Variants in PGD observed in about 807,000 individuals in gnomAD.
PGD encodes the protein phosphogluconate dehydrogenase.
A neutral mutation model predicts 60.4 loss-of-function variants in PGD; 21 were observed. The observed-to-expected ratio is 0.35, with a 90% CI of 0.25 to 0.50. The LOEUF is 0.50. Among genes scored for constraint, PGD ranks in the 20% least tolerant of loss-of-function variants. The pLI is 0.98. For synonymous variants in PGD, 230 were observed against 235.9 expected (o/e 0.97, Z 0.23); for missense variants, 477 against 613.1 (o/e 0.78, Z 2.34).
In PGD at chr1:10,400,354, G is replaced by A. The variant is rs937742817; in HGVS notation, c.85-39G>A. On this transcript the variant is annotated intron_variant, in intron 2 of 12. Transcript: ENST00000270776. ...TTTGGCCACAGTCTGAAAGTCTTGT[G>A]TGTCCTGGATCTCCTACTCAGGACT... is the stretch of plus-strand genomic sequence containing the variant. 4 of 1,471,468 alleles carry A rather than the reference G, an allele frequency of 2.7e-6. No individual in the cohort carries two copies. In the Admixed American group the frequency reaches 5.4e-5, roughly 20 times the overall value. 91.2% of individuals were successfully genotyped at this position (1,471,468 alleles called of 1,614,324 possible). A position where few individuals can be genotyped will look rare whatever the true frequency, so the allele number is the denominator to read the frequency against.
rs764308208 is a variant in PGD at position 10,399,754 on chromosome 1, CCGAGGCCGGCGATAGGT to C, written c.84+51_84+67del. The C allele has an allele frequency of 3.2e-5, 48 of 1,510,242 alleles. No homozygotes were observed. The South Asian group carries it at 5.3e-4, about 17-fold the overall frequency. 93.6% of individuals were successfully genotyped at this position (1,510,242 alleles called of 1,614,324 possible). On this transcript the variant is annotated intron_variant, in intron 2 of 12. Coordinates refer to ENST00000270776, the MANE Select transcript of PGD (RefSeq NM_002631.4). ...TCTCTCTGGTTCCCGGGCGCTTTAGCCGAGGCCGGCGATAGGTTTGGGAGCTTACGGGTCTCCTGGCC... is the reference window on the plus strand; with the variant it reads ...TCTCTCTGGTTCCCGGGCGCTTTAGCTTGGGAGCTTACGGGTCTCCTGGCC...
chr1:10,404,249 C>T lies in PGD; in HGVS notation c.419C>T (p.Ser140Leu), dbSNP rs768286066. The T allele has an allele frequency of 5.0e-6, 8 of 1,612,572 alleles. No individual in the cohort carries two copies. Among genetic ancestry groups the T allele is most frequent in the Non-Finnish European group, 6.8e-6 (8 of 1,178,968 alleles). Residue 140 changes from serine (S) to leucine (L), a missense_variant, in exon 5 of 13, where the codon TCG becomes TTG. Ser to Leu is a moderately radical substitution (Grantham distance 145). This residue lies in a region of PGD where 431 missense variants were observed against 556.6 expected (regional missense o/e 0.77). Coordinates refer to ENST00000270776, the MANE Select transcript of PGD (RefSeq NM_002631.4). Reference sequence around the variant, plus strand: ...GAGGAAGGGGCCCGGTATGGCCCATCGCTCATGCCAGGAGGGAACAAAGAA... The same window carrying T: ...GAGGAAGGGGCCCGGTATGGCCCATTGCTCATGCCAGGAGGGAACAAAGAA... The part of the protein sequence containing the change: ...GGEEGARYGP[S>L]LMPGGNKEAW...
intron 5 of PGD, among the ~76,000 whole-genome samples, chr1:10,405,290 T>G (rs1355840240): frequency 6.6e-6 from 1 of 151,444 alleles, no homozygotes; most frequent in Non-Finnish European, 1.5e-5. Flanking sequence ...GGAGAATTGC[T>G]TGAACCTAGG....
chr1:10,419,297 G>A (rs1639649028), intron 11 of PGD, 120 bp from the exon 12 acceptor site: 19 of 1,386,118 alleles, frequency 1.4e-5, no homozygotes, highest in Middle Eastern at 1.9e-4. Flanking sequence ...GATGACAGGC[G>A]TGAGCCACCG....
rs773274407 is a variant in PGD at position 10,408,108 on chromosome 1, A to G, written c.487A>G (p.Lys163Glu). Residue 163 changes from lysine to glutamate, a missense_variant, in exon 6 of 13, where the codon AAA (lysine) becomes GAA (glutamate). Around this residue, in one of 3 missense-constraint regions of PGD, gnomAD observed 431 missense variants for 556.6 expected, o/e 0.77. Transcript: ENST00000270776. The stretch of plus-strand genomic sequence containing the variant: ...GACCATCTTCCAAGGCATTGCTGCA[A>G]AAGTGGGAACTGGAGAACCCTGCTG... Reference protein sequence around the residue: ...IKTIFQGIAAKVGTGEPCCDW... With the variant: ...IKTIFQGIAAEVGTGEPCCDW... 6.2e-6 allele frequency: 10 copies of G among 1,608,064 alleles called. No homozygotes were observed. The East Asian group carries it at 1.1e-4, about 18-fold the overall frequency.
intron 6 of PGD, among the ~76,000 whole-genome samples, chr1:10,410,715 A>G (rs1000284724): frequency 1.3e-5 from 2 of 152,188 alleles, no homozygotes; most frequent in African/African-American, 4.8e-5. Context: ...CTATAGGGCC[A>G]GAATGTGTTG....
rs771130018 is a variant in PGD at position 10,399,657 on chromosome 1, G to T, written c.37G>T (p.Val13Phe). 6.2e-7 allele frequency: 1 copy of T among 1,614,046 alleles called. No individual in the cohort carries two copies. Among genetic ancestry groups the T allele is most frequent in the Non-Finnish European group, 8.5e-7 (1 of 1,179,990 alleles). The change falls in exon 2 of 13, where the codon GTC (valine) becomes TTC (phenylalanine). Residue 13 changes from valine to phenylalanine, a missense_variant. Transcript: ENST00000270776. ...TGACATCGCGCTGATCGGATTGGCC[G>T]TCATGGGCCAGAACTTAATTCTGAA... The part of the protein sequence containing the change: ...QADIALIGLA[V>F]MGQNLILNMN...
chr1:10,399,431 G>T, intron 1 of PGD, 198 bp from the exon 2 acceptor site: 1 of 462,262 alleles, frequency 2.2e-6, no homozygotes, highest in Non-Finnish European at 3.6e-6. Flanking sequence ...AGCGGGAGCC[G>T]GGCGCGAGGG....
chr1:10,417,603 G>C, intron 10 of PGD, 94 bp downstream of exon 10: 4 of 1,300,032 alleles, frequency 3.1e-6, no homozygotes, highest in Non-Finnish European at 4.2e-6. Context: ...AGTTTCCAGG[G>C]ATGGGCACTT....
At chr1:10,417,557 G>T in intron 10 of PGD, 48 bp downstream of exon 10, 1 of 1,557,074 alleles carries the variant, frequency 6.4e-7, no homozygotes, top group Admixed American at 1.9e-5. Context: ...TCACACGGCT[G>T]TGCAGAAGTG....
In PGD at chr1:10,416,632, T is replaced by C. The variant is rs139995241; in HGVS notation, c.845-355T>C. The stretch of plus-strand genomic sequence containing the variant: ...AGTCCGAAGAGTCAGCGAAGGGAGA[T>C]AGGGGTGGGGCCATTTTATAGGATT... On this transcript the variant is annotated intron_variant, in intron 8 of 12. Transcript: ENST00000270776. Among the ~76,000 whole-genome samples, 276 of 152,200 alleles carry C rather than the reference T, an allele frequency of 1.8e-3. 1 individual carries two copies. Among genetic ancestry groups the C allele is most frequent in the African/African-American group, 6.3e-3 (262 of 41,536 alleles).
chr1:10,419,345 T>C lies in PGD; in HGVS notation c.1210-72T>C, dbSNP rs2124218335. On this transcript the variant is annotated intron_variant, in intron 11 of 12. Transcript: ENST00000270776. ...CCATCAGTTTTTCATTTACCCACAT[T>C]GATATGAATGAAAATCTATCCGCGT... The C allele has an allele frequency of 1.7e-5, 26 of 1,553,996 alleles. 2 individuals carry two copies. The South Asian group carries it at 3.1e-4, about 19-fold the overall frequency.
At chr1:10,401,631 G>C (rs1351437983) in intron 3 of PGD, among the ~76,000 whole-genome samples, 1 of 152,220 alleles carries the variant, frequency 6.6e-6, no homozygotes, top group Non-Finnish European at 1.5e-5. Flanking sequence ...GTTTCAGACA[G>C]AGAAAACTGA....
intron 6 of PGD, among the ~76,000 whole-genome samples, chr1:10,408,766 G>A (rs752309448): frequency 1.3e-4 from 20 of 152,102 alleles, no homozygotes; most frequent in Non-Finnish European, 2.5e-4. Flanking sequence ...ATGCCACCAC[G>A]CCTAGCTAAT....
intron 5 of PGD, among the ~76,000 whole-genome samples, chr1:10,406,729 A>C (rs1443696573): frequency 6.6e-6 from 1 of 152,324 alleles, no homozygotes; most frequent in Admixed American, 6.5e-5. Context: ...ACAGTGAGGG[A>C]AAGTCTCAAG....
intron 1 of PGD, 75 bp downstream of exon 1, chr1:10,399,200 G>A (rs1639265665): frequency 1.3e-6 from 2 of 1,544,368 alleles, no homozygotes; most frequent in African/African-American, 1.4e-5. Flanking sequence ...GATCTCCCTC[G>A]TTCTCTCCGA....
chr1:10,419,494 C>T lies in PGD; in HGVS notation c.1287C>T (p.Phe429=). ...PMPCFTTALS[F]YDGYRHEMLP... ...CCTGTTTTACCACTGCCCTCTCCTT[C>T]TATGACGGGTACAGACATGAGATGC... Residue 429 remains phenylalanine (F), a synonymous_variant, in exon 12 of 13, where the codon TTC becomes TTT. Coordinates refer to ENST00000270776, the MANE Select transcript of PGD (RefSeq NM_002631.4). The T allele has an allele frequency of 3.1e-6, 5 of 1,614,216 alleles. No individual in the cohort carries two copies. The highest frequency in any genetic ancestry group is 4.2e-6 in the Non-Finnish European group (5 of 1,180,048).
chr1:10,417,139 TG>T (rs1473829209), intron 9 of PGD, 22 bp downstream of exon 9: 3 of 1,612,770 alleles, frequency 1.9e-6, no homozygotes, highest in Middle Eastern at 3.3e-4. Flanking sequence ...TCCCTGGCAG[TG>T]GTCTTTGTTG....
intron 8 of PGD, among the ~76,000 whole-genome samples, chr1:10,413,998 G>A (rs1372879202): frequency 6.6e-6 from 1 of 152,136 alleles, no homozygotes; most frequent in Non-Finnish European, 1.5e-5. Flanking sequence ...AGAGGTTGCA[G>A]TGAGCCAAGA....
Sources: allele counts gnomAD v4.1 joint callset (sites outside exome capture counted in the v4.1 genomes callset), GRCh38; gene constraint gnomAD v4.1.1; regional missense constraint gnomAD v4.1.1; transcripts MANE v1.5; gene names NCBI Gene and HGNC (gene_info 2026-07-23, HGNC 2026-07-21).